FABP4: variants seen among roughly 807,000 people sequenced by gnomAD.
FABP4 encodes the protein fatty acid binding protein 4, also known as fatty acid-binding protein, adipocyte.
In FABP4, 17 loss-of-function variants were observed where a neutral mutation model predicts 14.6. The observed-to-expected ratio is 1.16, with a 90% CI of 0.80 to 1.74. The LOEUF is 1.74. FABP4 is among the 40% of genes most tolerant of loss of function. The pLI is 0.00. For missense variants in FABP4, 149 were observed against 160.3 expected, an observed-to-expected ratio of 0.93 and a Z score of 0.38; for synonymous variants, 54 against 54.6, an observed-to-expected ratio of 0.99 and a Z score of 0.05.
chr8:81,480,634 T>G, intron 1 of FABP4, 36 bp from the exon 2 acceptor site: 1 of 1,579,536 alleles, frequency 6.3e-7, no homozygotes, highest in Non-Finnish European at 8.6e-7. Flanking sequence ...CAGATTTACA[T>G]TTTCTCTCAC....
At chr8:81,479,676 A>C (rs535282579) in intron 2 of FABP4, 161 bp from the exon 3 acceptor site, 39 of 541,030 alleles carry the variant, frequency 7.2e-5, no homozygotes, top group Non-Finnish European at 1.1e-4. Flanking sequence ...AAACAACAAC[A>C]TAACCACTTA....
intron 3 of FABP4, among the ~76,000 whole-genome samples, chr8:81,479,141 A>G (rs912984504): frequency 2.0e-5 from 3 of 152,184 alleles, no homozygotes; most frequent in Non-Finnish European, 4.4e-5. Flanking sequence ...ACTGAGAAAC[A>G]TAAGCAGAGA....
chr8:81,479,678 A>G (rs1360516317), intron 2 of FABP4, 163 bp from the exon 3 acceptor site: 3 of 541,156 alleles, frequency 5.5e-6, no homozygotes, highest in African/African-American at 1.9e-5. Flanking sequence ...ACAACAACAT[A>G]ACCACTTATG....
chr8:81,479,594 G>A, intron 2 of FABP4, 79 bp from the exon 3 acceptor site: 1 of 964,240 alleles, frequency 1.0e-6, no homozygotes, highest in Non-Finnish European at 1.6e-6. Context: ...TTTGTTCAAA[G>A]GAATATTTTG....
At chr8:81,480,379 G>A (rs1426651843) in intron 2 of FABP4, 47 bp downstream of exon 2, 14 of 1,551,890 alleles carry the variant, frequency 9.0e-6, no homozygotes, top group East Asian at 2.3e-5. Context: ...TAGCAGTGGT[G>A]ATTTAGAAAC....
chr8:81,482,687 G>A (rs1398973238), intron 1 of FABP4, among the ~76,000 whole-genome samples: 4 of 152,166 alleles, frequency 2.6e-5, no homozygotes, highest in African/African-American at 7.2e-5. Flanking sequence ...GGGAACTAGA[G>A]TGCTTTCAGT....
Position 81,479,407 on chromosome 8 carries a change from T to C in FABP4, c.348+7A>G. Reference sequence around the variant, plus strand: ...GATCCAGAATTAAGTAGCTAGAAGATACTCACCACCACCAGTTTATCATCC... The same window carrying C: ...GATCCAGAATTAAGTAGCTAGAAGACACTCACCACCACCAGTTTATCATCC... On this transcript the variant is annotated splice_region_variant and intron_variant, in intron 3 of 3. Transcript: ENST00000256104. The C allele has an allele frequency of 6.2e-7, 1 of 1,606,952 alleles. No homozygotes were observed. The highest frequency in any genetic ancestry group is 8.5e-7 in the Non-Finnish European group (1 of 1,173,728).
intron 1 of FABP4, 126 bp from the exon 2 acceptor site, chr8:81,480,724 G>T: frequency 1.4e-6 from 1 of 713,794 alleles, no homozygotes; most frequent in Non-Finnish European, 2.1e-6. Flanking sequence ...GTTTCTTAAA[G>T]GCCTAATTTA....
At chr8:81,480,768 T>TAAAAA (rs74275141) in intron 1 of FABP4, among the ~76,000 whole-genome samples, 170 bp from the exon 2 acceptor site, 1 of 130,296 alleles carries the variant, frequency 7.7e-6, no homozygotes, top group Non-Finnish European at 1.7e-5. Flanking sequence ...GGCCAATACT[T>TAAAAA]AAAAAAAAAA....
rs571876036 is a variant in FABP4, at chr8:81,480,727, C to A, written c.74-129G>T. The A allele has an allele frequency of 1.8e-5, 11 of 622,086 alleles. No individual in the cohort carries two copies. The East Asian group carries it at 3.5e-4, about 20-fold the overall frequency. The allele number at this position is 622,086 out of a possible 1,614,324, so 38.5% of individuals were successfully genotyped here. ...AAGGCACAGAGAGTTTCTTAAAGGC[C>A]TAATTTAAACAGCTCCTGCAGATAA... On this transcript the variant is annotated intron_variant, in intron 1 of 3. Coordinates refer to ENST00000256104, the MANE Select transcript of FABP4 (RefSeq NM_001442.3).
rs770448002 is a variant in FABP4 at position 81,480,472 on chromosome 8, A to C, written c.200T>G (p.Leu67Arg). 11 of 1,613,846 alleles carry C rather than the reference A, an allele frequency of 6.8e-6. No individual in the cohort carries two copies. Among genetic ancestry groups the C allele is most frequent in the Non-Finnish European group, 9.3e-6 (11 of 1,179,796 alleles). ...TFKNTEISFI[L>R]GQEFDEVTAD... is the part of the protein sequence containing the mutation. ...AGTGACTTCGTCAAATTCCTGGCCC[A>C]GTATGAAGGAAATCTCAGTATTTTT... Residue 67 changes from leucine (L) to arginine (R), a missense_variant, in exon 2 of 4, where the codon CTG becomes CGG. Coordinates refer to ENST00000256104, the MANE Select transcript of FABP4 (RefSeq NM_001442.3).
At chr8:81,479,306 C>A (rs578075743) in intron 3 of FABP4, 108 bp downstream of exon 3, 2 of 898,624 alleles carry the variant, frequency 2.2e-6, no homozygotes, top group Admixed American at 2.3e-5. Context: ...ATAAAATCCT[C>A]TTTTTGTTTC....
intron 1 of FABP4, among the ~76,000 whole-genome samples, chr8:81,481,387 G>T (rs1205497777): frequency 6.6e-6 from 1 of 152,118 alleles, no homozygotes; most frequent in Non-Finnish European, 1.5e-5. Flanking sequence ...CCAATACTTT[G>T]ATTTCCAGTC....
chr8:81,478,937 T>C (rs764073207), intron 3 of FABP4, 22 bp from the exon 4 acceptor site: 1 of 1,603,094 alleles, frequency 6.2e-7, no homozygotes, highest in Admixed American at 1.7e-5. Flanking sequence ...AAACAATTCT[T>C]GGTCAATCAC....
At position 81,479,400 on chromosome 8, in the gene FABP4, T is replaced by C. The variant is rs746084456; in HGVS notation, c.348+14A>G. On this transcript the variant is annotated intron_variant, in intron 3 of 3. Coordinates refer to ENST00000256104, the MANE Select transcript of FABP4 (RefSeq NM_001442.3). Reference sequence around the variant, plus strand: ...GCAGTAAGATCCAGAATTAAGTAGCTAGAAGATACTCACCACCACCAGTTT... The same window carrying C: ...GCAGTAAGATCCAGAATTAAGTAGCCAGAAGATACTCACCACCACCAGTTT... 1 of 1,594,206 alleles carries C rather than the reference T, an allele frequency of 6.3e-7. No individual in the cohort carries two copies. The highest frequency in any genetic ancestry group is 8.6e-7 in the Non-Finnish European group (1 of 1,162,404).
intron 1 of FABP4, among the ~76,000 whole-genome samples, chr8:81,482,167 AT>A (rs1808089365): frequency 1.3e-5 from 2 of 151,272 alleles, no homozygotes; most frequent in Non-Finnish European, 2.9e-5. Context: ...AAGCAAAAAA[AT>A]ATATACTGTA....
chr8:81,481,184 T>A (rs1198985563), intron 1 of FABP4, among the ~76,000 whole-genome samples: 1 of 152,178 alleles, frequency 6.6e-6, no homozygotes, highest in Non-Finnish European at 1.5e-5. Context: ...CTTTCTCAAA[T>A]TACTCCACCA....
In FABP4 at chr8:81,480,492, AT is replaced by A; in HGVS notation, c.179del (p.Asn60IlefsTer26). 3 of 1,613,888 alleles carry A rather than the reference AT, an allele frequency of 1.9e-6. No homozygotes were observed. The highest frequency in any genetic ancestry group is 2.5e-6 in the Non-Finnish European group (3 of 1,179,844). On this transcript the variant is annotated frameshift_variant, in exon 2 of 4. Coordinates refer to ENST00000256104, the MANE Select transcript of FABP4 (RefSeq NM_001442.3). LOFTEE classifies it high-confidence loss of function. The stretch of plus-strand genomic sequence containing the variant: ...GGCCCAGTATGAAGGAAATCTCAGT[AT>A]TTTTAAAGGTACTTTCAGATTTAAT... Reference protein sequence around the residue: ...ITIKSESTFKNTEISFILGQE... With the variant: ...ITIKSESTFKXTEISFILGQE...
Position 81,480,490 on chromosome 8 carries a change from G to GT in FABP4, c.181dup (p.Thr61AsnfsTer2). 4 of 1,613,790 alleles carry GT rather than the reference G, an allele frequency of 2.5e-6. No homozygotes were observed. Among genetic ancestry groups the GT allele is most frequent in the Non-Finnish European group, 3.4e-6 (4 of 1,179,784 alleles). On this transcript the variant is annotated frameshift_variant, in exon 2 of 4. Transcript: ENST00000256104. LOFTEE classifies it high-confidence loss of function. ...CTGGCCCAGTATGAAGGAAATCTCA[G>GT]TATTTTTAAAGGTACTTTCAGATTT...
Sources: allele counts gnomAD v4.1 joint callset (sites outside exome capture counted in the v4.1 genomes callset), GRCh38; gene constraint gnomAD v4.1.1; transcripts MANE v1.5; gene names NCBI Gene and HGNC (gene_info 2026-07-23, HGNC 2026-07-21).